Variants in TIAM1 observed in about 807,000 individuals in gnomAD.
TIAM1 encodes TIAM Rac1 associated GEF 1.
Under a neutral mutation model 163.5 loss-of-function variants are expected in TIAM1, and 65 were observed. That is an observed-to-expected ratio of 0.40 (90% CI 0.33 to 0.49). TIAM1 has a LOEUF of 0.49. Ranked by LOEUF, TIAM1 falls within the 20% of genes least tolerant of loss-of-function variation. TIAM1 has a pLI of 0.77. For missense variants in TIAM1, 1,789 were observed against 2,044.7 expected (o/e 0.87, Z 2.41); for synonymous variants, 833 against 810.1 (o/e 1.03, Z -0.48).
At chr21:31,184,386 G>A (rs1437821148) in intron 14 of TIAM1, among the ~76,000 whole-genome samples, 3 of 151,576 alleles carry the variant, frequency 2.0e-5, no homozygotes, top group Admixed American at 1.3e-4. Flanking sequence ...GATTACAGGT[G>A]TGAGCCACCG....
At chr21:31,160,574 C>T (rs994720894) in intron 16 of TIAM1, 3 of 398,608 alleles carry the variant, frequency 7.5e-6, no homozygotes, top group East Asian at 3.6e-5. Context: ...TACCACCTGA[C>T]GTGTTCAGCA....
chr21:31,477,149 T>G (rs1342994025), intron 1 of TIAM1, among the ~76,000 whole-genome samples: 1 of 152,192 alleles, frequency 6.6e-6, no homozygotes, highest in Non-Finnish European at 1.5e-5. Context: ...TTTTGGTAGC[T>G]CAATTTGGCA....
At chr21:31,211,857 G>A (rs1274476147) in intron 10 of TIAM1, among the ~76,000 whole-genome samples, 1 of 152,200 alleles carries the variant, frequency 6.6e-6, no homozygotes, top group African/African-American at 2.4e-5. Flanking sequence ...GGATGTGGGA[G>A]AAAGACGTAC....
chr21:31,236,249 A>T (rs556258082), intron 6 of TIAM1, among the ~76,000 whole-genome samples: 2 of 152,330 alleles, frequency 1.3e-5, no homozygotes, highest in African/African-American at 4.8e-5. Context: ...GAGTGAGCCA[A>T]ATTCTTTATA....
intron 2 of TIAM1, among the ~76,000 whole-genome samples, chr21:31,374,711 G>A (rs1486750491): frequency 6.6e-6 from 1 of 152,126 alleles, no homozygotes; most frequent in Non-Finnish European, 1.5e-5. Context: ...CCCAGCAGGG[G>A]GACAGATTGT....
At chr21:31,265,106 G>A (rs994174975) in intron 4 of TIAM1, among the ~76,000 whole-genome samples, 13 of 151,912 alleles carry the variant, frequency 8.6e-5, no homozygotes, top group African/African-American at 2.4e-4. Flanking sequence ...CCACCAAGCC[G>A]GCTCAACTGC....
At chr21:31,551,550 G>A (rs1336182117) in intron 1 of TIAM1, among the ~76,000 whole-genome samples, 1 of 152,066 alleles carries the variant, frequency 6.6e-6, no homozygotes, top group Non-Finnish European at 1.5e-5. Flanking sequence ...ACCAGCCTGA[G>A]CACTATAGTA....
intron 2 of TIAM1, among the ~76,000 whole-genome samples, chr21:31,330,623 AG>A (rs1251689739): frequency 6.6e-6 from 1 of 152,026 alleles, no homozygotes; most frequent in Non-Finnish European, 1.5e-5. Flanking sequence ...ATTTTTGTGG[AG>A]TTGGGGTTTC....
chr21:31,418,741 G>A lies in TIAM1; in HGVS notation c.-369+45242C>T, dbSNP rs149359376. Among the ~76,000 whole-genome samples, 1,162 of 152,274 alleles carry A rather than the reference G, an allele frequency of 7.6e-3. 1 individual carries two copies. Among genetic ancestry groups the A allele is most frequent in the Middle Eastern group, 0.031 (9 of 294 alleles). ...CTTGGGAGCTCCCCTGGAAACAGAGGAAAACACACCGCCAGAGAAGAAAGT... is the reference window on the plus strand; with the variant it reads ...CTTGGGAGCTCCCCTGGAAACAGAGAAAAACACACCGCCAGAGAAGAAAGT... On this transcript the variant is annotated intron_variant, in intron 2 of 28. Transcript: ENST00000286827.
Position 31,266,354 on chromosome 21 carries a change from CCTT to C in TIAM1, c.616_618del (p.Lys206del). ...TCCATCCCCCGAGCCTCCTCGCAGT[CCTT>C]CTCTTCGGCGGAACCCAAGATTTCT... is the stretch of plus-strand genomic sequence containing the variant. On this transcript the variant is annotated inframe_deletion, in exon 4 of 28. Coordinates refer to ENST00000541036, the MANE Select transcript of TIAM1 (RefSeq NM_001353694.2). 1.9e-6 allele frequency: 3 copies of C among 1,614,234 alleles called. No homozygotes were observed. The highest frequency in any genetic ancestry group is 4.5e-5 in the East Asian group (2 of 44,880).
At chr21:31,281,880 T>A (rs1330853237) in intron 2 of TIAM1, among the ~76,000 whole-genome samples, 1 of 152,042 alleles carries the variant, frequency 6.6e-6, no homozygotes, top group African/African-American at 2.4e-5. Flanking sequence ...AGATGGATGG[T>A]AGATGGGCAG....
At chr21:31,420,921 A>G (rs2043545386) in intron 2 of TIAM1, among the ~76,000 whole-genome samples, 1 of 152,136 alleles carries the variant, frequency 6.6e-6, no homozygotes, top group Non-Finnish European at 1.5e-5. Context: ...CAGGAGTTCG[A>G]GACCAGCCTG....
At chr21:31,369,935 A>T (rs2076567680) in intron 2 of TIAM1, among the ~76,000 whole-genome samples, 2 of 152,286 alleles carry the variant, frequency 1.3e-5, no homozygotes, top group South Asian at 4.2e-4. Flanking sequence ...CAATGAGCCA[A>T]GATCGCGCCA....
At chr21:31,140,982 G>A (rs984237932) in intron 22 of TIAM1, 136 bp downstream of exon 22, 2 of 636,824 alleles carry the variant, frequency 3.1e-6, no homozygotes, top group South Asian at 2.3e-5. Context: ...AAGCACAGAT[G>A]TTCCACTAAG....
At chr21:31,160,697 C>T (rs1263731657) in intron 16 of TIAM1, 1 of 392,192 alleles carries the variant, frequency 2.5e-6, no homozygotes, top group Non-Finnish European at 4.5e-6. Flanking sequence ...AAATCTACGG[C>T]CACGTCTCAA....
At chr21:31,497,903 T>C (rs949228866) in intron 1 of TIAM1, among the ~76,000 whole-genome samples, 5 of 152,202 alleles carry the variant, frequency 3.3e-5, no homozygotes, top group African/African-American at 1.2e-4. Context: ...TCAGCCTAAA[T>C]TGGACAGAAC....
At chr21:31,432,780 GA>G in intron 2 of TIAM1, among the ~76,000 whole-genome samples, 1 of 152,288 alleles carries the variant, frequency 6.6e-6, no homozygotes, top group South Asian at 2.1e-4. Context: ...TGGGAGACGG[GA>G]GCAGAAAATA....
chr21:31,205,841 G>A (rs1006649416), intron 11 of TIAM1, among the ~76,000 whole-genome samples: 1 of 152,096 alleles, frequency 6.6e-6, no homozygotes, highest in Admixed American at 6.6e-5. Flanking sequence ...GGGTGAGCCT[G>A]TAGTCCCTGT....
At chr21:31,451,726 T>C (rs879876296) in intron 2 of TIAM1, among the ~76,000 whole-genome samples, 7,847 of 137,694 alleles carry the variant, frequency 0.057, 231 homozygotes, top group Middle Eastern at 0.094. Context: ...TGCGTGTGTG[T>C]GTGTGTGTGT....
Sources: allele counts gnomAD v4.1 joint callset (sites outside exome capture counted in the v4.1 genomes callset), GRCh38; gene constraint gnomAD v4.1.1; transcripts MANE v1.5; gene names NCBI Gene and HGNC (gene_info 2026-07-23, HGNC 2026-07-21).